Variants in OSBPL3 observed in about 807,000 individuals in gnomAD.
OSBPL3 encodes oxysterol-binding protein-related protein 3.
OSBPL3 carries 65 observed loss-of-function variants against 120.1 expected under a neutral mutation model. That is an observed-to-expected ratio of 0.54 (90% confidence interval 0.44 to 0.67). The LOEUF (loss-of-function observed/expected upper bound fraction) is 0.67, where lower values mean the gene tolerates loss of function less well. OSBPL3 is among the 30% of genes least tolerant of loss of function. The pLI, the probability that OSBPL3 is intolerant of heterozygous loss-of-function variation, is 0.00. For synonymous variants in OSBPL3, 416 were observed against 402.6 expected, an observed-to-expected ratio of 1.03 and a Z score of -0.40; for missense variants, 1,004 against 1,082.1, an observed-to-expected ratio of 0.93 and a Z score of 1.01.
intron 16 of OSBPL3, among the ~76,000 whole-genome samples, chr7:24,828,078 G>A (rs1795910327): frequency 6.6e-6 from 1 of 151,878 alleles, no homozygotes; most frequent in African/African-American, 2.4e-5. Flanking sequence ...AGGCTGGAGT[G>A]CAGTGGTGCG....
At position 24,970,211 on chromosome 7, in the gene OSBPL3, G is replaced by A. The variant is rs143654638; in HGVS notation, c.-150+9675C>T. On this transcript the variant is annotated intron_variant, in intron 1 of 22. Coordinates refer to ENST00000313367, the MANE Select transcript of OSBPL3 (RefSeq NM_015550.4). Reference sequence around the variant, plus strand: ...CAACCTCCACCTCCCCGGTTCAAGCGATTCTTCTGCCTCAGCCTCCGAGTA... The same window carrying A: ...CAACCTCCACCTCCCCGGTTCAAGCAATTCTTCTGCCTCAGCCTCCGAGTA... 3.9e-3 allele frequency among the ~76,000 whole-genome samples: 564 copies of A among 145,240 alleles called. 2 individuals are homozygous for A. Among genetic ancestry groups the A allele is most frequent in the African/African-American group, 0.013 (520 of 39,080 alleles).
At chr7:24,935,768 A>C (rs924100948) in intron 1 of OSBPL3, among the ~76,000 whole-genome samples, 13 of 152,150 alleles carry the variant, frequency 8.5e-5, no homozygotes, top group African/African-American at 2.4e-4. Flanking sequence ...TTTCTTCTAC[A>C]AATTCTATTT....
intron 1 of OSBPL3, among the ~76,000 whole-genome samples, chr7:24,914,190 A>G (rs544181066): frequency 6.5e-4 from 99 of 151,984 alleles, no homozygotes; most frequent in African/African-American, 2.3e-3. Flanking sequence ...CAAGAGCCCA[A>G]CTCTTAAGGC....
In OSBPL3 at chr7:24,855,589, C is replaced by A. The variant is rs968697729; in HGVS notation, c.1028-2955G>T. On this transcript the variant is annotated intron_variant, in intron 10 of 22. Transcript: ENST00000313367. This position sits in a 1 kb window ranked among gnomAD's most constrained non-coding sequence, Gnocchi z 4.3. ...AAATTTCTTAAATGACTATCAGGGCCCACTCAGGACATTAAAATAGTCATT... is the reference window on the plus strand; with the variant it reads ...AAATTTCTTAAATGACTATCAGGGCACACTCAGGACATTAAAATAGTCATT... 1.3e-5 allele frequency among the ~76,000 whole-genome samples: 2 copies of A among 152,036 alleles called. No individual in the cohort carries two copies. The highest frequency in any genetic ancestry group is 4.8e-5 in the African/African-American group (2 of 41,380).
At chr7:24,838,409 T>C (rs1286522326) in intron 14 of OSBPL3, among the ~76,000 whole-genome samples, 1 of 152,054 alleles carries the variant, frequency 6.6e-6, no homozygotes, top group African/African-American at 2.4e-5. Context: ...GGCATGAGAA[T>C]TGCTTGAACC....
At chr7:24,981,791 C>T (rs1414037247), upstream of OSBPL3, among the ~76,000 whole-genome samples, 2 of 152,222 alleles carry the variant, frequency 1.3e-5, no homozygotes, top group African/African-American at 4.8e-5. This position sits in a 1 kb window ranked among gnomAD's most constrained non-coding sequence, Gnocchi z 7.3. Context: ...CCTAAACCAC[C>T]TCGCAAAGCC....
At position 24,891,877 on chromosome 7, in the gene OSBPL3, C is replaced by T. The variant is rs1273710783; in HGVS notation, c.96+500G>A. 6.6e-6 allele frequency among the ~76,000 whole-genome samples: 1 copy of T among 152,132 alleles called. No homozygotes were observed. Among genetic ancestry groups the T allele is most frequent in the Admixed American group, 6.5e-5 (1 of 15,274 alleles). ...GTGAGTCTCGAAGCTACTAACAGGG[C>T]AATCTGTGGTTACAAGCTGCCATAA... is the stretch of plus-strand genomic sequence containing the variant. On this transcript the variant is annotated intron_variant, in intron 2 of 22. Coordinates refer to ENST00000313367, the MANE Select transcript of OSBPL3 (RefSeq NM_015550.4). The surrounding 1 kb of genome is among the most constrained non-coding windows in gnomAD (Gnocchi z 4.1).
chr7:24,837,988 A>T (rs1797224311), intron 14 of OSBPL3, among the ~76,000 whole-genome samples: 1 of 152,248 alleles, frequency 6.6e-6, no homozygotes, highest in African/African-American at 2.4e-5. Flanking sequence ...AAAGAATAAC[A>T]GTGTAGCAAG....
rs1168544718 is a variant in OSBPL3 at position 24,873,914 on chromosome 7, G to C, written c.97-1845C>G. Among the ~76,000 whole-genome samples the C allele has an allele frequency of 6.6e-6, 1 of 152,170 alleles. No homozygotes were observed. The highest frequency in any genetic ancestry group is 2.4e-5 in the African/African-American group (1 of 41,426). ...CCATTTCATCCTTAGAGACTCCATA[G>C]GTACTCCATCTTACTTTTCTGGAGG... On this transcript the variant is annotated intron_variant, in intron 2 of 22. Transcript: ENST00000313367. This position sits in a 1 kb window ranked among gnomAD's most constrained non-coding sequence, Gnocchi z 4.1.
At chr7:24,801,279 A>C (rs576216666) in intron 22 of OSBPL3, among the ~76,000 whole-genome samples, 1 of 150,530 alleles carries the variant, frequency 6.6e-6, no homozygotes, top group Admixed American at 6.6e-5. Flanking sequence ...ATTGAAAGCC[A>C]TAAGAGTCTG....
rs1224361782 is a variant in OSBPL3 at position 24,804,370 on chromosome 7, C to A, written c.2512G>T (p.Glu838Ter). The change falls in exon 22 of 23, where the codon GAA (glutamate) becomes TAA (stop). Residue 838 changes from glutamate (E) to a stop codon, truncating the protein, a stop_gained. Transcript: ENST00000313367. LOFTEE classifies it high-confidence loss of function. The surrounding 1 kb of genome is among the most constrained non-coding windows in gnomAD (Gnocchi z 5.4). ...QKQRIEQLQRERRRVLEENHV... is the reference protein window; with the variant it reads ...QKQRIEQLQR Reference sequence around the variant, plus strand: ...TTTTCTTCTAAGACCCGCCGCCTTTCTCTCTGCAGTTGTTCAATCCTCTGC... The same window carrying A: ...TTTTCTTCTAAGACCCGCCGCCTTTATCTCTGCAGTTGTTCAATCCTCTGC... The A allele has an allele frequency of 2.5e-6, 4 of 1,614,156 alleles. No homozygotes were observed. Among genetic ancestry groups the A allele is most frequent in the Non-Finnish European group, 3.4e-6 (4 of 1,180,004 alleles).
intron 2 of OSBPL3, among the ~76,000 whole-genome samples, chr7:24,890,679 A>C (rs984984804): frequency 7.2e-5 from 11 of 152,216 alleles, no homozygotes; most frequent in Non-Finnish European, 1.6e-4. Flanking sequence ...CCACAGAGGA[A>C]ATATAAGTGT....
In OSBPL3 at chr7:24,808,180, C is replaced by T. The variant is rs564188334; in HGVS notation, c.2318-1278G>A. Reference sequence around the variant, plus strand: ...CTTCCCAAAGTGCTGGGATTACAGGCGTGAGCCACCATGCCCGACTGGGAC... The same window carrying T: ...CTTCCCAAAGTGCTGGGATTACAGGTGTGAGCCACCATGCCCGACTGGGAC... On this transcript the variant is annotated intron_variant, in intron 20 of 22. Coordinates refer to ENST00000313367, the MANE Select transcript of OSBPL3 (RefSeq NM_015550.4). This position sits in a 1 kb window ranked among gnomAD's most constrained non-coding sequence, Gnocchi z 4.6. Among the ~76,000 whole-genome samples the T allele has an allele frequency of 5.9e-5, 9 of 152,170 alleles. No homozygotes were observed. The highest frequency in any genetic ancestry group is 1.3e-4 in the Admixed American group (2 of 15,272).
intron 14 of OSBPL3, among the ~76,000 whole-genome samples, chr7:24,840,373 GGAT>G (rs1444066846): frequency 6.6e-6 from 1 of 152,076 alleles, no homozygotes; most frequent in Non-Finnish European, 1.5e-5. Flanking sequence ...AAGATGACCA[GGAT>G]GATGACCTTT....
Position 24,804,440 on chromosome 7 carries a change from G to T in OSBPL3, c.2445-3C>A. 1 of 1,610,940 alleles carries T rather than the reference G, an allele frequency of 6.2e-7. No individual in the cohort carries two copies. Among genetic ancestry groups the T allele is most frequent in the East Asian group, 2.2e-5 (1 of 44,848 alleles). On this transcript the variant is annotated splice_polypyrimidine_tract_variant and splice_region_variant and intron_variant, in intron 21 of 22. Transcript: ENST00000313367. This position sits in a 1 kb window ranked among gnomAD's most constrained non-coding sequence, Gnocchi z 5.4. Reference sequence around the variant, plus strand: ...CTAAGTTCCCTTCCTCTAGAAACCTGAGGCATCGAGGAAAAAAAAATGAAA... The same window carrying T: ...CTAAGTTCCCTTCCTCTAGAAACCTTAGGCATCGAGGAAAAAAAAATGAAA...
chr7:24,974,381 G>T (rs1023551067), intron 1 of OSBPL3, among the ~76,000 whole-genome samples: 8 of 152,198 alleles, frequency 5.3e-5, no homozygotes, highest in African/African-American at 1.9e-4. Flanking sequence ...CATCAACTAT[G>T]AGGACCTCTT....
intron 1 of OSBPL3, among the ~76,000 whole-genome samples, chr7:24,910,885 C>T (rs117306302): frequency 6.6e-6 from 1 of 152,176 alleles, no homozygotes. Context: ...TTTCTCAACC[C>T]CGGCTGCGTG....
rs1022453895 is a variant in OSBPL3, at chr7:24,797,438, T to A, written c.*2745A>T. On this transcript the variant is annotated 3_prime_UTR_variant, in exon 23 of 23. Coordinates refer to ENST00000313367, the MANE Select transcript of OSBPL3 (RefSeq NM_015550.4). This position sits in a 1 kb window ranked among gnomAD's most constrained non-coding sequence, Gnocchi z 4.8. ...CCCATCTCTTTAGTTAGGACCAGAA[T>A]CCACCTGGCTTGTAGGAGAGGAACT... The A allele has an allele frequency of 2.0e-5, 3 of 152,204 alleles. No individual in the cohort carries two copies. Among genetic ancestry groups the A allele is most frequent in the African/African-American group, 4.8e-5 (2 of 41,454 alleles). 9.4% of individuals were successfully genotyped at this position (152,204 alleles called of 1,614,324 possible).
rs1811944844 is a variant in OSBPL3 at position 24,932,791 on chromosome 7, G to C, written c.-149-40170C>G. ...AGAGCAGCCCAAATGGACTAAGACAGGGGCAAAGACCAAACTGCCTTATAT... is the reference window on the plus strand; with the variant it reads ...AGAGCAGCCCAAATGGACTAAGACACGGGCAAAGACCAAACTGCCTTATAT... On this transcript the variant is annotated intron_variant, in intron 1 of 22. Coordinates refer to ENST00000313367, the MANE Select transcript of OSBPL3 (RefSeq NM_015550.4). This position sits in a 1 kb window ranked among gnomAD's most constrained non-coding sequence, Gnocchi z 5.6. Among the ~76,000 whole-genome samples the C allele has an allele frequency of 6.6e-6, 1 of 152,212 alleles. No homozygotes were observed. The highest frequency in any genetic ancestry group is 1.9e-4 in the East Asian group (1 of 5,196).
Sources: gnomAD v4.1 joint callset for allele counts (sites outside exome capture counted in the v4.1 genomes callset) on GRCh38, gnomAD v4.1.1 for gene constraint, Gnocchi (gnomAD v3.1) non-coding constraint, MANE v1.5 for transcripts, NCBI Gene and HGNC (gene_info 2026-07-23, HGNC 2026-07-21) for gene names.